Variants in FADS3 observed in about 807,000 individuals in gnomAD.
FADS3 encodes the protein cytochrome b5-related protein.
In FADS3, 30 loss-of-function variants were observed where a neutral mutation model predicts 60.4. That is an observed-to-expected ratio of 0.50 (90% confidence interval 0.37 to 0.67). FADS3 has a LOEUF of 0.67. Among genes scored for constraint, FADS3 ranks in the 30% least tolerant of loss-of-function variants. The pLI is 0.00. For missense variants in FADS3, 432 were observed against 598.3 expected (o/e 0.72, Z 2.90); for synonymous variants, 234 against 249.3 (o/e 0.94, Z 0.58).
At position 61,873,894 on chromosome 11, in the gene FADS3, G is replaced by C. The variant is rs368397981; in HGVS notation, c.1287-29C>G. On this transcript the variant is annotated intron_variant, in intron 11 of 11. Transcript: ENST00000278829. ...GGAGGTGGGGGTGGCAGTGGGGGTG[G>C]GTGTTAGGAGCTCAGTTGCAAGATC... The C allele has an allele frequency of 1.2e-4, 172 of 1,488,332 alleles. 2 individuals are homozygous for C. The African/African-American group carries it at 2.3e-3, about 20-fold the overall frequency. The allele number at this position is 1,488,332 out of a possible 1,614,324, so 92.2% of individuals were successfully genotyped here.
At chr11:61,882,944 G>A (rs1412919600) in intron 1 of FADS3, among the ~76,000 whole-genome samples, 1 of 151,864 alleles carries the variant, frequency 6.6e-6, no homozygotes, top group Non-Finnish European at 1.5e-5. Flanking sequence ...TGCCCAGGCT[G>A]GTGTTGAACT....
At chr11:61,883,452 C>A (rs955460001) in intron 1 of FADS3, among the ~76,000 whole-genome samples, 4 of 152,164 alleles carry the variant, frequency 2.6e-5, no homozygotes, top group African/African-American at 9.7e-5. Flanking sequence ...CCCAGACACA[C>A]ACGCACATGC....
At position 61,880,096 on chromosome 11, in the gene FADS3, G is replaced by A. The variant is rs1938072930; in HGVS notation, c.269C>T (p.Pro90Leu). 6.2e-7 allele frequency: 1 copy of A among 1,614,158 alleles called. No individual in the cohort carries two copies. Residue 90 changes from proline to leucine, a missense_variant, in exon 2 of 12, where the codon CCC (proline) becomes CTC (leucine). Around this residue, in one of 5 missense-constraint regions of FADS3, gnomAD observed 167 missense variants for 188.8 expected, o/e 0.88. Coordinates refer to ENST00000278829, the MANE Select transcript of FADS3 (RefSeq NM_021727.5). ...DLNFVRKFLQPLLIGELAPEE... is the reference protein window; with the variant it reads ...DLNFVRKFLQLLLIGELAPEE... ...CGGAGCCAGCTCTCCAATCAACAGG[G>A]GCTGTAGGAACTTGCGCACAAAATT...
intron 1 of FADS3, among the ~76,000 whole-genome samples, chr11:61,884,803 C>G (rs1283097984): frequency 2.6e-5 from 4 of 152,226 alleles, no homozygotes; most frequent in Non-Finnish European, 5.9e-5. Context: ...CTCGACGTCT[C>G]TCATCGGGTA....
rs1937921457 is a variant in FADS3 at position 61,877,031 on chromosome 11, T to G, written c.886-68A>C. ...CCCGGAGGTCTGGAGGCCTGGTGGG[T>G]GGGAGGAGGACCTCAGGCATCCAAC... On this transcript the variant is annotated intron_variant, in intron 7 of 11. Transcript: ENST00000278829. This position sits in a 1 kb window ranked among gnomAD's most constrained non-coding sequence, Gnocchi z 4.7. 2 of 1,164,332 alleles carry G rather than the reference T, an allele frequency of 1.7e-6. No individual in the cohort carries two copies. Among genetic ancestry groups the G allele is most frequent in the East Asian group, 2.6e-5 (1 of 39,194 alleles). The allele number at this position is 1,164,332 out of a possible 1,614,324, so 72.1% of individuals were successfully genotyped here. A position where few individuals can be genotyped will look rare whatever the true frequency, so the allele number is the denominator to read the frequency against.
intron 1 of FADS3, among the ~76,000 whole-genome samples, chr11:61,884,791 C>T (rs1453065528): frequency 6.6e-6 from 1 of 152,216 alleles, no homozygotes; most frequent in African/African-American, 2.4e-5. Flanking sequence ...TGGAAAGCGG[C>T]ACTCGACGTC....
At chr11:61,882,249 T>C (rs1414890160) in intron 1 of FADS3, 3 of 151,880 alleles carry the variant, frequency 2.0e-5, no homozygotes, top group African/African-American at 4.8e-5. Flanking sequence ...TAGCTGTTAG[T>C]ACAGGTGTGC....
chr11:61,885,717 AG>A (rs949028028), intron 1 of FADS3, among the ~76,000 whole-genome samples: 4 of 152,146 alleles, frequency 2.6e-5, no homozygotes, highest in African/African-American at 7.2e-5. Context: ...TCAGTCAGGA[AG>A]GGGGTGAAGC....
intron 1 of FADS3, among the ~76,000 whole-genome samples, chr11:61,883,747 G>A (rs377377596): frequency 1.1e-4 from 17 of 152,152 alleles, no homozygotes; most frequent in East Asian, 3.8e-4. Context: ...CTCCTTTCCC[G>A]TTGGTCCTGA....
intron 1 of FADS3, among the ~76,000 whole-genome samples, chr11:61,888,873 G>A (rs1038775428): frequency 7.2e-5 from 11 of 152,152 alleles, no homozygotes; most frequent in African/African-American, 2.4e-4. Context: ...GCTGGCACCC[G>A]GCCCCAAGGA....
chr11:61,884,457 C>T (rs971082554), intron 1 of FADS3, among the ~76,000 whole-genome samples: 3 of 152,146 alleles, frequency 2.0e-5, no homozygotes, highest in South Asian at 2.1e-4. Context: ...GCACGTTTCC[C>T]GGAACTTAAA....
chr11:61,890,694 T>C (rs1009020374), intron 1 of FADS3, among the ~76,000 whole-genome samples: 5 of 152,156 alleles, frequency 3.3e-5, no homozygotes, highest in Admixed American at 2.6e-4. Context: ...GGTGAGTCAC[T>C]GTCCCTGAGC....
At chr11:61,875,497 T>C (rs1182493669) in intron 11 of FADS3, among the ~76,000 whole-genome samples, 1 of 151,360 alleles carries the variant, frequency 6.6e-6, no homozygotes, top group Non-Finnish European at 1.5e-5. Flanking sequence ...CCTCCCCAAG[T>C]GCTGGAATTA....
intron 1 of FADS3, among the ~76,000 whole-genome samples, chr11:61,883,789 CAG>C (rs1938217824): frequency 6.6e-6 from 1 of 152,230 alleles, no homozygotes; most frequent in Non-Finnish European, 1.5e-5. Flanking sequence ...GAGGCACTGA[CAG>C]GGGAGGACAG....
chr11:61,888,897 T>TTTTG (rs150144597), intron 1 of FADS3, among the ~76,000 whole-genome samples: 1 of 152,126 alleles, frequency 6.6e-6, no homozygotes, highest in East Asian at 1.9e-4. Flanking sequence ...GAGAGATGTT[T>TTTTG]TTTGTTTGTT....
At chr11:61,874,873 C>A (rs1286186974) in intron 11 of FADS3, among the ~76,000 whole-genome samples, 1 of 151,778 alleles carries the variant, frequency 6.6e-6, no homozygotes, top group Non-Finnish European at 1.5e-5. Context: ...TTTTGCCCAT[C>A]TTCTGTAATG....
chr11:61,878,862 A>G lies in FADS3; in HGVS notation c.523-15T>C. 6.2e-7 allele frequency: 1 copy of G among 1,611,954 alleles called. No individual in the cohort carries two copies. The highest frequency in any genetic ancestry group is 8.5e-7 in the Non-Finnish European group (1 of 1,178,458). On this transcript the variant is annotated splice_polypyrimidine_tract_variant and intron_variant, in intron 3 of 11. Transcript: ENST00000278829. ...CAGGACTGAGCCTGGGGAGAGAGGCAGGGTCAGAAGCTGTTGGGAAGGACG... is the reference window on the plus strand; with the variant it reads ...CAGGACTGAGCCTGGGGAGAGAGGCGGGGTCAGAAGCTGTTGGGAAGGACG...
At position 61,877,307 on chromosome 11, in the gene FADS3, C is replaced by G; in HGVS notation, c.885+204G>C. 7.1e-6 allele frequency: 2 copies of G among 282,740 alleles called. No homozygotes were observed. Among genetic ancestry groups the G allele is most frequent in the South Asian group, 3.7e-5 (1 of 27,282 alleles). 17.5% of individuals were successfully genotyped at this position (282,740 alleles called of 1,614,324 possible). A position where few individuals can be genotyped will look rare whatever the true frequency, so the allele number is the denominator to read the frequency against. On this transcript the variant is annotated intron_variant, in intron 7 of 11. Transcript: ENST00000278829. The surrounding 1 kb of genome is among the most constrained non-coding windows in gnomAD (Gnocchi z 4.7). ...ACACCCCCCCTGTTCCTCAACCCCC[C>G]CCCACCACACGTACAGTCACGGGCA... is the stretch of plus-strand genomic sequence containing the variant.
At chr11:61,873,941 T>A (rs1483765354) in intron 11 of FADS3, 76 bp from the exon 12 acceptor site, 2 of 962,784 alleles carry the variant, frequency 2.1e-6, no homozygotes, top group Non-Finnish European at 3.2e-6. Flanking sequence ...GTATCCCCCA[T>A]GGTAAGTGTG....
Sources: gnomAD v4.1 joint callset for allele counts (sites outside exome capture counted in the v4.1 genomes callset) on GRCh38, gnomAD v4.1.1 for gene constraint, gnomAD v4.1.1 regional missense constraint, Gnocchi (gnomAD v3.1) non-coding constraint, MANE v1.5 for transcripts, NCBI Gene and HGNC (gene_info 2026-07-23, HGNC 2026-07-21) for gene names.